GXYLT2: variants seen among roughly 807,000 people sequenced by gnomAD.
GXYLT2 encodes glycosyltransferase 8 domain containing 4.
A neutral mutation model predicts 45.8 loss-of-function variants in GXYLT2; 53 were observed. The observed-to-expected ratio is 1.16, with a 90% CI of 0.93 to 1.46. GXYLT2 has a LOEUF of 1.46. Among genes scored for constraint, GXYLT2 ranks in the 40% most tolerant of loss-of-function variants. The probability of loss-of-function intolerance (pLI) is 0.00; values close to 1 mark genes in which losing one functional copy is unlikely to be tolerated. For missense variants in GXYLT2, 551 were observed against 544.4 expected, an observed-to-expected ratio of 1.01 and a Z score of -0.12; for synonymous variants, 219 against 214.2, an observed-to-expected ratio of 1.02 and a Z score of -0.19.
At chr3:72,927,687 C>T (rs2221314) in intron 3 of GXYLT2, among the ~76,000 whole-genome samples, 115,020 of 152,048 alleles carry the variant, frequency 0.76, 43,928 homozygotes, top group African/African-American at 0.87. Context: ...AAGGGGAACA[C>T]CAATTAGAAT....
At chr3:72,903,551 A>G (rs1035961076) in intron 1 of GXYLT2, among the ~76,000 whole-genome samples, 3 of 152,160 alleles carry the variant, frequency 2.0e-5, no homozygotes, top group Non-Finnish European at 4.4e-5. Context: ...CTCACCCAAG[A>G]CCCATGGAAT....
At chr3:72,935,929 C>G (rs1710167758) in intron 3 of GXYLT2, among the ~76,000 whole-genome samples, 1 of 152,100 alleles carries the variant, frequency 6.6e-6, no homozygotes, top group African/African-American at 2.4e-5. Context: ...GGGAATACTA[C>G]TCAAAGGGGA....
intron 3 of GXYLT2, chr3:72,929,733 CA>C: frequency 1.8e-6 from 1 of 558,790 alleles, no homozygotes; most frequent in Admixed American, 3.0e-5. Flanking sequence ...TCACTTAATG[CA>C]AAATAAAGCA....
intron 3 of GXYLT2, among the ~76,000 whole-genome samples, chr3:72,938,734 C>A (rs1202801595): frequency 6.6e-6 from 1 of 152,234 alleles, no homozygotes; most frequent in East Asian, 1.9e-4. Context: ...AAACCAGATA[C>A]TTTTCAGTTA....
intron 2 of GXYLT2, among the ~76,000 whole-genome samples, chr3:72,918,851 A>G (rs1208924137): frequency 6.6e-6 from 1 of 152,122 alleles, no homozygotes; most frequent in Admixed American, 6.6e-5. Flanking sequence ...AAATTAAGAT[A>G]CACAGATGGC....
chr3:72,903,539 G>T (rs1362696497), intron 1 of GXYLT2, among the ~76,000 whole-genome samples: 1 of 152,152 alleles, frequency 6.6e-6, no homozygotes. Flanking sequence ...AGACTCCAGG[G>T]CCTCACCCAA....
intron 1 of GXYLT2, among the ~76,000 whole-genome samples, chr3:72,897,424 C>G (rs955171040): frequency 6.6e-6 from 1 of 152,120 alleles, no homozygotes; most frequent in Non-Finnish European, 1.5e-5. Context: ...GGGAAAAATT[C>G]CATCCAGCAA....
intron 5 of GXYLT2, among the ~76,000 whole-genome samples, chr3:72,958,060 C>A (rs1447857749): frequency 1.3e-5 from 2 of 152,020 alleles, no homozygotes; most frequent in Admixed American, 6.6e-5. Context: ...CACTTGAGGT[C>A]GAGAGTTTGA....
At chr3:72,888,786 C>T (rs1052050541) in intron 1 of GXYLT2, among the ~76,000 whole-genome samples, 19 of 152,170 alleles carry the variant, frequency 1.2e-4, no homozygotes, top group African/African-American at 4.6e-4. Flanking sequence ...CGTATTTTTG[C>T]ACTCTTGCAA....
At chr3:72,903,706 A>G (rs1322436761) in intron 1 of GXYLT2, among the ~76,000 whole-genome samples, 1 of 152,172 alleles carries the variant, frequency 6.6e-6, no homozygotes, top group African/African-American at 2.4e-5. Context: ...GGATTTGGGT[A>G]AGGGTCATAG....
rs1709096350 is a variant in GXYLT2 at position 72,888,074 on chromosome 3, T to C, written c.-160T>C. ...TCCTCTCTCTCCTCCTCCTTCGCCG[T>C]CGCCGCCGCCGCCGGCCGCCCGCCG... On this transcript the variant is annotated 5_prime_UTR_variant, in exon 1 of 7. Transcript: ENST00000389617. The C allele has an allele frequency of 4.0e-6, 1 of 251,582 alleles. No homozygotes were observed. The highest frequency in any genetic ancestry group is 6.1e-6 in the Non-Finnish European group (1 of 163,348). The allele number at this position is 251,582 out of a possible 1,614,324, so 15.6% of individuals were successfully genotyped here. A position where few individuals can be genotyped will look rare whatever the true frequency, so the allele number is the denominator to read the frequency against.
chr3:72,972,688 C>T (rs1711011809), intron 6 of GXYLT2, among the ~76,000 whole-genome samples: 1 of 145,096 alleles, frequency 6.9e-6, no homozygotes, highest in Non-Finnish European at 1.5e-5. Context: ...TGGGGGAAGC[C>T]AGACAATACT....
chr3:72,891,684 G>A (rs991507612), intron 1 of GXYLT2, among the ~76,000 whole-genome samples: 24 of 152,208 alleles, frequency 1.6e-4, no homozygotes, highest in African/African-American at 5.1e-4. Flanking sequence ...CTAAGACAAC[G>A]TATAGTAAAA....
intron 1 of GXYLT2, among the ~76,000 whole-genome samples, chr3:72,905,448 A>T (rs1709493223): frequency 1.3e-5 from 2 of 152,178 alleles, no homozygotes; most frequent in Non-Finnish European, 2.9e-5. Flanking sequence ...ACGTTGGTAC[A>T]TGCCAGTCTG....
At chr3:72,904,755 A>C (rs72878579) in intron 1 of GXYLT2, among the ~76,000 whole-genome samples, 4,166 of 151,668 alleles carry the variant, frequency 0.027, 199 homozygotes, top group African/African-American at 0.094. Context: ...AATAACCACT[A>C]TCCGGCCAGG....
intron 5 of GXYLT2, among the ~76,000 whole-genome samples, chr3:72,965,284 A>G (rs1394056657): frequency 6.6e-6 from 1 of 152,226 alleles, no homozygotes; most frequent in Non-Finnish European, 1.5e-5. Context: ...ATGGGTGACA[A>G]TCACTTCATT....
chr3:72,937,646 C>T (rs1226608490), intron 3 of GXYLT2, among the ~76,000 whole-genome samples: 7 of 152,182 alleles, frequency 4.6e-5, no homozygotes, highest in Non-Finnish European at 8.8e-5. Context: ...AGTCATTCTG[C>T]CCTACTTCTT....
At position 72,939,523 on chromosome 3, in the gene GXYLT2, A is replaced by T. The variant is rs537166346; in HGVS notation, c.601-15575A>T. Among the ~76,000 whole-genome samples, 7 of 152,318 alleles carry T rather than the reference A, an allele frequency of 4.6e-5. No individual in the cohort carries two copies. The South Asian group carries it at 1.4e-3, about 32-fold the overall frequency. On this transcript the variant is annotated intron_variant, in intron 3 of 6. Coordinates refer to ENST00000389617, the MANE Select transcript of GXYLT2 (RefSeq NM_001080393.2). ...TATTCATTATTCTCTAAACTATCTTAAACTATTTCAAGAATATCAAAGAGG... is the reference window on the plus strand; with the variant it reads ...TATTCATTATTCTCTAAACTATCTTTAACTATTTCAAGAATATCAAAGAGG...
chr3:72,949,489 T>C (rs929236451), intron 3 of GXYLT2, among the ~76,000 whole-genome samples: 66 of 146,392 alleles, frequency 4.5e-4, no homozygotes, highest in Middle Eastern at 3.4e-3. Context: ...TGTATCATTC[T>C]TTCTTTCTTT....
Sources: gnomAD v4.1 joint callset for allele counts (sites outside exome capture counted in the v4.1 genomes callset) on GRCh38, gnomAD v4.1.1 for gene constraint, MANE v1.5 for transcripts, NCBI Gene and HGNC (gene_info 2026-07-23, HGNC 2026-07-21) for gene names.